Variants in TTC4 observed in about 807,000 individuals in gnomAD.
The protein encoded by TTC4 is hsp70/Hsp90 co-chaperone CNS1 homolog.
TTC4 carries 36 observed loss-of-function variants against 51.9 expected under a neutral mutation model. The observed-to-expected ratio is 0.69, with a 90% CI of 0.53 to 0.92. The LOEUF (loss-of-function observed/expected upper bound fraction) is 0.92, where lower values mean the gene tolerates loss of function less well. TTC4 is among the 40% of genes least tolerant of loss of function. The pLI is 0.00. For synonymous variants in TTC4, 144 were observed against 164.2 expected, an observed-to-expected ratio of 0.88 and a Z score of 0.94; for missense variants, 399 against 454.6, an observed-to-expected ratio of 0.88 and a Z score of 1.11.
intron 6 of TTC4, 105 bp downstream of exon 6, chr1:54,728,537 A>G: frequency 8.5e-7 from 1 of 1,177,654 alleles, no homozygotes; most frequent in Non-Finnish European, 1.2e-6. Context: ...GAATTTGTTC[A>G]TTTTCTTTCT....
intron 3 of TTC4, among the ~76,000 whole-genome samples, chr1:54,718,642 C>T (rs141536517): frequency 6.6e-6 from 1 of 152,214 alleles, no homozygotes; most frequent in African/African-American, 2.4e-5. Flanking sequence ...AATAAATTTA[C>T]CCTGGGTTTC....
At position 54,741,487 on chromosome 1, in the gene TTC4, G is replaced by T; in HGVS notation, c.1138G>T (p.Gly380Trp). ...SSPFCKNFLR[G>W]RKVYQIR The stretch of plus-strand genomic sequence containing the variant: ...TCCTTTTTGCAAGAATTTTCTCCGG[G>T]GGAGAAAGGTGTACCAGATACGATG... The change falls in exon 10 of 10, where the codon GGG becomes TGG. Residue 380 changes from glycine (G) to tryptophan (W), a missense_variant. Gly to Trp is a radical substitution (Grantham distance 184). Coordinates refer to ENST00000371281, the MANE Select transcript of TTC4 (RefSeq NM_004623.5). 6.2e-7 allele frequency: 1 copy of T among 1,614,086 alleles called. No homozygotes were observed. The highest frequency in any genetic ancestry group is 8.5e-7 in the Non-Finnish European group (1 of 1,179,990).
chr1:54,723,382 T>C (rs995722581), intron 5 of TTC4, among the ~76,000 whole-genome samples: 1 of 152,176 alleles, frequency 6.6e-6, no homozygotes, highest in Non-Finnish European at 1.5e-5. Context: ...ACCATTACTA[T>C]ATACAGTCAC....
At chr1:54,722,950 A>T in intron 5 of TTC4, 151 bp downstream of exon 5, 1 of 1,053,224 alleles carries the variant, frequency 9.5e-7, no homozygotes, top group South Asian at 1.6e-5. Context: ...ACAGACAAGT[A>T]AACAGTTATA....
At chr1:54,725,821 C>T (rs1453742043) in intron 5 of TTC4, among the ~76,000 whole-genome samples, 1 of 152,110 alleles carries the variant, frequency 6.6e-6, no homozygotes, top group East Asian at 1.9e-4. Flanking sequence ...TTGAAAAGTA[C>T]AATAACTGAA....
At chr1:54,717,680 T>A (rs757513818) in intron 3 of TTC4, 27 bp downstream of exon 3, 2 of 1,493,778 alleles carry the variant, frequency 1.3e-6, no homozygotes, top group South Asian at 1.4e-5. Flanking sequence ...TTCTGAAGAA[T>A]AAACTTATGA....
At chr1:54,716,265 T>G (rs1210540122) in intron 1 of TTC4, 2 of 534,814 alleles carry the variant, frequency 3.7e-6, no homozygotes, top group Non-Finnish European at 6.6e-6. Context: ...GTTACTTAAC[T>G]TCTCAGAGTC....
At chr1:54,724,919 T>C (rs553434110) in intron 5 of TTC4, among the ~76,000 whole-genome samples, 1 of 152,302 alleles carries the variant, frequency 6.6e-6, no homozygotes, top group Non-Finnish European at 1.5e-5. Context: ...CTGGAGCATG[T>C]TTATTCAAGA....
At chr1:54,729,676 T>C (rs1645841571) in intron 6 of TTC4, among the ~76,000 whole-genome samples, 1 of 152,158 alleles carries the variant, frequency 6.6e-6, no homozygotes, top group South Asian at 2.1e-4. Flanking sequence ...CTGTTTGAGA[T>C]TGTTTGGTCT....
intron 9 of TTC4, among the ~76,000 whole-genome samples, chr1:54,741,189 T>A (rs1442285070): frequency 6.6e-6 from 1 of 152,232 alleles, no homozygotes; most frequent in African/African-American, 2.4e-5. Context: ...GCCACAGACA[T>A]GCATGATGCC....
intron 9 of TTC4, among the ~76,000 whole-genome samples, chr1:54,739,853 A>G (rs549112761): frequency 6.6e-6 from 1 of 152,336 alleles, no homozygotes; most frequent in Non-Finnish European, 1.5e-5. Context: ...TGTGGTGTAC[A>G]CCAGGGTTGA....
intron 6 of TTC4, among the ~76,000 whole-genome samples, chr1:54,730,041 T>C (rs181982808): frequency 6.6e-6 from 1 of 152,280 alleles, no homozygotes; most frequent in East Asian, 1.9e-4. Context: ...TTTTGTTTTA[T>C]TATTTGTTCA....
intron 1 of TTC4, 84 bp downstream of exon 1, chr1:54,716,103 A>T (rs1230792637): frequency 9.4e-7 from 1 of 1,066,312 alleles, no homozygotes; most frequent in South Asian, 1.4e-5. Context: ...ACCTCCTTCA[A>T]TCCCAGATCC....
At chr1:54,728,687 G>A (rs1056811972) in intron 6 of TTC4, among the ~76,000 whole-genome samples, 1 of 152,142 alleles carries the variant, frequency 6.6e-6, no homozygotes, top group African/African-American at 2.4e-5. Flanking sequence ...TGTATTCCAG[G>A]ATCCACAGTG....
Position 54,733,635 on chromosome 1 carries a change from T to C in TTC4, c.903T>C (p.Ile301=). 1 of 1,597,874 alleles carries C rather than the reference T, an allele frequency of 6.3e-7. No individual in the cohort carries two copies. Among genetic ancestry groups the C allele is most frequent in the Non-Finnish European group, 8.5e-7 (1 of 1,172,200 alleles). ...GTACATGTTTTATCCTTAGGTTTAT[T>C]GATCATCTAATGGTGATGTTTGGTG... ...ISAFHEDSRF[I]DHLMVMFGET... Residue 301 remains isoleucine (I), a synonymous_variant, in exon 8 of 10, where the codon ATT becomes ATC. Coordinates refer to ENST00000371281, the MANE Select transcript of TTC4 (RefSeq NM_004623.5).
At chr1:54,730,423 G>A (rs1217807412) in intron 6 of TTC4, among the ~76,000 whole-genome samples, 1 of 152,076 alleles carries the variant, frequency 6.6e-6, no homozygotes, top group Admixed American at 6.5e-5. Flanking sequence ...GCAAACTGCA[G>A]CCGTTGGAAC....
At chr1:54,728,903 A>G (rs1029678482) in intron 6 of TTC4, among the ~76,000 whole-genome samples, 5 of 152,112 alleles carry the variant, frequency 3.3e-5, no homozygotes, top group Non-Finnish European at 5.9e-5. Context: ...GTAATTTCAC[A>G]GATAGAAGGT....
At chr1:54,727,688 CAAAAA>C (rs200521894) in intron 5 of TTC4, among the ~76,000 whole-genome samples, 1 of 43,602 alleles carries the variant, frequency 2.3e-5, no homozygotes, top group Non-Finnish European at 6.5e-5. Context: ...CTCATCTCTA[CAAAAA>C]AAAAAAAAAA....
chr1:54,736,259 A>T (rs1271595127), intron 8 of TTC4, among the ~76,000 whole-genome samples: 4,811 of 126,552 alleles, frequency 0.038, 606 homozygotes, highest in African/African-American at 0.099. Context: ...GAGAGGAGAG[A>T]GAGAGAGAGA....
Sources: allele counts gnomAD v4.1 joint callset (sites outside exome capture counted in the v4.1 genomes callset), GRCh38; gene constraint gnomAD v4.1.1; transcripts MANE v1.5; gene names NCBI Gene and HGNC (gene_info 2026-07-23, HGNC 2026-07-21).